Variants in SBNO2 observed in about 807,000 individuals in gnomAD.
SBNO2 encodes strawberry notch homolog 2.
SBNO2 carries 89 observed loss-of-function variants against 146.3 expected under a neutral mutation model. The observed-to-expected ratio is 0.61, with a 90% CI of 0.51 to 0.73. The LOEUF (loss-of-function observed/expected upper bound fraction) is 0.73, where lower values mean the gene tolerates loss of function less well. SBNO2 is among the 30% of genes least tolerant of loss of function. The pLI is 0.00. For missense variants in SBNO2, 2,092 were observed against 2,003.7 expected (o/e 1.04, Z -0.84); for synonymous variants, 1,147 against 892.6 (o/e 1.29, Z -5.08).
intron 14 of SBNO2, 146 bp downstream of exon 14, chr19:1,118,865 G>T: frequency 1.3e-6 from 1 of 776,712 alleles, no homozygotes; most frequent in Non-Finnish European, 2.0e-6. Flanking sequence ...GCACGAGACT[G>T]TCTCAAAAAA....
At chr19:1,113,075 G>A (rs2079786476) in intron 19 of SBNO2, 126 bp from the exon 20 acceptor site, 2 of 1,178,124 alleles carry the variant, frequency 1.7e-6, no homozygotes, top group Non-Finnish European at 2.3e-6. Flanking sequence ...CGGGAGGTGG[G>A]GGTGCTGGGA....
intron 1 of SBNO2, among the ~76,000 whole-genome samples, chr19:1,170,665 C>T (rs1360087085): frequency 6.6e-6 from 1 of 152,076 alleles, no homozygotes. Context: ...ACAACACACG[C>T]ACACATACAA....
At position 1,155,406 on chromosome 19, in the gene SBNO2, GC is replaced by G. The variant is rs367661626; in HGVS notation, c.-126-1005del. Among the ~76,000 whole-genome samples, 287 of 152,132 alleles carry G rather than the reference GC, an allele frequency of 1.9e-3. 2 individuals carry two copies. The highest frequency in any genetic ancestry group is 6.5e-3 in the African/African-American group (269 of 41,506). ...GGCACAGTGGGGGTCACCCTGCCAG[GC>G]CGTCCCAACTGTCCGCGGCCTCTGC... is the stretch of plus-strand genomic sequence containing the variant. On this transcript the variant is annotated intron_variant, in intron 1 of 31. Coordinates refer to ENST00000361757, the MANE Select transcript of SBNO2 (RefSeq NM_014963.3).
At chr19:1,139,597 C>A (rs1031638206) in intron 4 of SBNO2, among the ~76,000 whole-genome samples, 2 of 152,060 alleles carry the variant, frequency 1.3e-5, no homozygotes, top group Non-Finnish European at 2.9e-5. Flanking sequence ...GAGTTTGAGA[C>A]CACCCTGGCC....
chr19:1,128,372 G>A (rs981767519), intron 4 of SBNO2: 6 of 334,396 alleles, frequency 1.8e-5, no homozygotes, highest in Admixed American at 9.1e-5. Flanking sequence ...GCTGCCCAGT[G>A]AAGGAGATGT....
chr19:1,130,312 C>G (rs748580678), intron 4 of SBNO2, among the ~76,000 whole-genome samples: 1 of 152,124 alleles, frequency 6.6e-6, no homozygotes, highest in Non-Finnish European at 1.5e-5. Flanking sequence ...GTCCCTGCAG[C>G]TTTTCTGTCA....
chr19:1,130,737 A>G, intron 4 of SBNO2, among the ~76,000 whole-genome samples: 1 of 152,112 alleles, frequency 6.6e-6, no homozygotes, highest in Non-Finnish European at 1.5e-5. Flanking sequence ...GGTTGCAGGG[A>G]GCCGAGATCG....
At chr19:1,127,879 T>G in intron 4 of SBNO2, 114 bp from the exon 5 acceptor site, 1 of 957,960 alleles carries the variant, frequency 1.0e-6, no homozygotes, top group Non-Finnish European at 1.6e-6. Context: ...CTGGAGCATG[T>G]GGGAATGGGA....
rs764699629 is a variant in SBNO2 at position 1,113,633 on chromosome 19, C to A, written c.2149G>T (p.Asp717Tyr). ...AGCCGCCGCACTTTGTCCAGCAGAT[C>A]CTGCTTCAGCCGCTCCACCCGCTCC... ...VLERVERLKQDLLDKVRRLGR... is the reference protein window; with the variant it reads ...VLERVERLKQYLLDKVRRLGR... The change falls in exon 19 of 32, where the codon GAT becomes TAT. Residue 717 changes from aspartate (D) to tyrosine (Y), a missense_variant. Physicochemically the swap from Asp to Tyr is radical, Grantham distance 160. Transcript: ENST00000361757. 1 of 1,598,898 alleles carries A rather than the reference C, an allele frequency of 6.3e-7. No individual in the cohort carries two copies. Among genetic ancestry groups the A allele is most frequent in the Non-Finnish European group, 8.5e-7 (1 of 1,174,252 alleles).
At chr19:1,123,142 G>A (rs1250280564) in intron 7 of SBNO2, 97 bp from the exon 8 acceptor site, 63 of 1,393,280 alleles carry the variant, frequency 4.5e-5, no homozygotes, top group Non-Finnish European at 5.9e-5. Flanking sequence ...CGTGGCCAGA[G>A]CTGGCGGGGC....
At chr19:1,111,461 G>C (rs1249047911) in intron 24 of SBNO2, 45 bp downstream of exon 24, 1 of 1,374,186 alleles carries the variant, frequency 7.3e-7, no homozygotes, top group East Asian at 2.5e-5. Flanking sequence ...CCAGTGCTCT[G>C]CAACCCCTGC....
chr19:1,156,862 T>TC (rs2080294167), intron 1 of SBNO2, among the ~76,000 whole-genome samples: 1 of 72,434 alleles, frequency 1.4e-5, no homozygotes, highest in Non-Finnish European at 3.4e-5. Flanking sequence ...CATTTCCAAG[T>TC]CCCCCCACAA....
rs779768771 is a variant in SBNO2, at chr19:1,109,306, G to T, written c.3334C>A (p.Arg1112Ser). Reference protein sequence around the residue: ...SQLEALDSLRRKFHRVTAEEA... With the variant: ...SQLEALDSLRSKFHRVTAEEA... ...CGGCCGCCTACCCGGTGGAACTTGC[G>T]GCGGAGGCTGTCCAGGGCCTCCAGC... The change falls in exon 29 of 32, where the codon CGC becomes AGC. Residue 1112 changes from arginine to serine, a missense_variant. Transcript: ENST00000361757. This position sits in a 1 kb window ranked among gnomAD's most constrained non-coding sequence, Gnocchi z 4.2. 3.8e-6 allele frequency: 6 copies of T among 1,596,760 alleles called. No homozygotes were observed. The highest frequency in any genetic ancestry group is 5.1e-6 in the Non-Finnish European group (6 of 1,172,878).
intron 5 of SBNO2, among the ~76,000 whole-genome samples, chr19:1,124,638 T>C (rs1267254752): frequency 1.3e-5 from 2 of 152,158 alleles, no homozygotes; most frequent in African/African-American, 4.8e-5. Context: ...GCACCTCCTC[T>C]GTGAGAGATG....
intron 2 of SBNO2, among the ~76,000 whole-genome samples, chr19:1,151,744 C>T (rs977167810): frequency 6.6e-6 from 1 of 152,228 alleles, no homozygotes; most frequent in Non-Finnish European, 1.5e-5. Flanking sequence ...CTCACTGCAA[C>T]CTCCACCTCC....
At chr19:1,161,844 C>T (rs867804161) in intron 1 of SBNO2, among the ~76,000 whole-genome samples, 1 of 140,070 alleles carries the variant, frequency 7.1e-6, no homozygotes, top group Non-Finnish European at 1.5e-5. Context: ...GTGAAAGAGT[C>T]GTCAGTCAGG....
At position 1,114,428 on chromosome 19, in the gene SBNO2, G is replaced by A; in HGVS notation, c.1886-6C>T. ...CCCGCGTCCCCGAGGTCGCCCTGCAGGGAAGGACAGGGTCACCGAGGGCCA... is the reference window on the plus strand; with the variant it reads ...CCCGCGTCCCCGAGGTCGCCCTGCAAGGAAGGACAGGGTCACCGAGGGCCA... On this transcript the variant is annotated splice_region_variant and splice_polypyrimidine_tract_variant and intron_variant, in intron 17 of 31. Transcript: ENST00000361757. 1 of 1,517,230 alleles carries A rather than the reference G, an allele frequency of 6.6e-7. No homozygotes were observed. 94.0% of individuals were successfully genotyped at this position (1,517,230 alleles called of 1,614,324 possible).
In SBNO2 at chr19:1,157,856, CTT is replaced by C. The variant is rs566603149; in HGVS notation, c.-126-3456_-126-3455del. Among the ~76,000 whole-genome samples the C allele has an allele frequency of 1.2e-3, 179 of 150,066 alleles. 1 individual carries two copies. Among genetic ancestry groups the C allele is most frequent in the African/African-American group, 4.1e-3 (167 of 40,560 alleles). On this transcript the variant is annotated intron_variant, in intron 1 of 31. Transcript: ENST00000361757. The surrounding 1 kb of genome is among the most constrained non-coding windows in gnomAD (Gnocchi z 6.8). ...CTGCGTCCGCCTCCCAGCTCTCTCT[CTT>C]GAGTCCGGGTAACTGCATCTGCCTC... is the stretch of plus-strand genomic sequence containing the variant.
chr19:1,117,097 C>T (rs539368915), intron 15 of SBNO2, among the ~76,000 whole-genome samples, 171 bp from the exon 16 acceptor site: 2 of 152,138 alleles, frequency 1.3e-5, no homozygotes, highest in Non-Finnish European at 1.5e-5. Context: ...GGGGGTCTGC[C>T]GGCTGCCTGT....
Sources: allele counts gnomAD v4.1 joint callset (sites outside exome capture counted in the v4.1 genomes callset), GRCh38; gene constraint gnomAD v4.1.1; non-coding constraint Gnocchi (gnomAD v3.1); transcripts MANE v1.5; gene names NCBI Gene and HGNC (gene_info 2026-07-23, HGNC 2026-07-21).